The following TMCO6 variants were observed in gnomAD, a reference collection of about 807,000 sequenced individuals.
TMCO6 encodes the protein transmembrane and coiled-coil domains 6.
TMCO6 carries 47 observed loss-of-function variants against 61.8 expected under a neutral mutation model. The ratio of observed to expected loss-of-function variants is 0.76; its 90% CI spans 0.60 to 0.97. The LOEUF is 0.97. Among genes scored for constraint, TMCO6 ranks in the 50% least tolerant of loss-of-function variants. The pLI, the probability that TMCO6 is intolerant of heterozygous loss-of-function variation, is 0.00. For missense variants in TMCO6, 557 were observed against 601.6 expected (o/e 0.93, Z 0.78); for synonymous variants, 261 against 254.2 (o/e 1.03, Z -0.25).
At chr5:140,622,880 A>G in the TMCO6 span, among the ~76,000 whole-genome samples, 1 of 152,004 alleles carries the variant, frequency 6.6e-6, no homozygotes. Flanking sequence ...CTTTTTATGT[A>G]TTTATATTTT....
chr5:140,614,206 A>G, the TMCO6 span, among the ~76,000 whole-genome samples: 13 of 151,032 alleles, frequency 8.6e-5, no homozygotes, highest in African/African-American at 2.7e-4. Flanking sequence ...GCCATCTCTC[A>G]TCTTAAAAAA....
the TMCO6 span, chr5:140,631,734 T>G: frequency 6.6e-6 from 6 of 909,170 alleles, no homozygotes; most frequent in Non-Finnish European, 1.0e-5. Flanking sequence ...CACGGACCCG[T>G]TGTTTAAGAT....
At chr5:140,638,026 G>T (rs1469438252), upstream of TMCO6, among the ~76,000 whole-genome samples, 5 of 144,868 alleles carry the variant, frequency 3.5e-5, no homozygotes, top group African/African-American at 1.3e-4. Context: ...CTTTCTCTTA[G>T]GAATAACGCT....
the TMCO6 span, among the ~76,000 whole-genome samples, chr5:140,613,397 A>G: frequency 2.8e-3 from 420 of 148,794 alleles, 1 homozygote; most frequent in South Asian, 4.1e-3. Flanking sequence ...AAAAAAAAAA[A>G]AAAAAAAAAA....
At chr5:140,641,204 GT>G (rs1757008967) in intron 2 of TMCO6, 1 of 156,932 alleles carries the variant, frequency 6.4e-6, no homozygotes, top group African/African-American at 2.4e-5. Context: ...CCTGAAGAGA[GT>G]GGGAAGCTGG....
the TMCO6 span, among the ~76,000 whole-genome samples, chr5:140,609,644 C>T: frequency 3.6e-5 from 2 of 55,172 alleles, no homozygotes; most frequent in Admixed American, 1.5e-4. Flanking sequence ...ATCTCATACA[C>T]ACCAAAAAAA....
intron 6 of TMCO6, 27 bp from the exon 7 acceptor site, chr5:140,642,898 T>C (rs1167926691): frequency 2.5e-6 from 4 of 1,614,140 alleles, no homozygotes; most frequent in South Asian, 1.1e-5. Context: ...TCGTGGTTCC[T>C]ACTTACAGCC....
At chr5:140,644,004 T>A (rs1480865631) in intron 9 of TMCO6, 38 bp downstream of exon 9, 1 of 1,613,576 alleles carries the variant, frequency 6.2e-7, no homozygotes, top group Admixed American at 1.7e-5. Context: ...GACATTTGGA[T>A]AATGGGGATA....
At chr5:140,641,522 T>C in intron 2 of TMCO6, 143 bp from the exon 3 acceptor site, 2 of 672,122 alleles carry the variant, frequency 3.0e-6, no homozygotes, top group East Asian at 2.7e-5. Context: ...CACTGCAAGG[T>C]AGATGCTTAT....
At chr5:140,642,730 C>T in intron 6 of TMCO6, 59 bp downstream of exon 6, 1 of 1,590,872 alleles carries the variant, frequency 6.3e-7, no homozygotes, top group East Asian at 2.2e-5. Flanking sequence ...AGTATAGCTC[C>T]CGGATGCCTG....
At chr5:140,626,450 G>T in the TMCO6 span, among the ~76,000 whole-genome samples, 5 of 151,740 alleles carry the variant, frequency 3.3e-5, no homozygotes. Flanking sequence ...ACCCTGGCTG[G>T]AGTGCAGTGG....
chr5:140,639,890 G>C, intron 2 of TMCO6, 39 bp downstream of exon 2: 2 of 1,540,800 alleles, frequency 1.3e-6, no homozygotes, highest in Non-Finnish European at 1.8e-6. Context: ...GTCCACGCCC[G>C]CTGGCGCCAG....
chr5:140,632,498 G>C, the TMCO6 span: 4 of 1,613,940 alleles, frequency 2.5e-6, no homozygotes, highest in East Asian at 4.5e-5. The surrounding 1 kb of genome is among the most constrained non-coding windows in gnomAD (Gnocchi z 6.2). Context: ...GCTGCAGCTC[G>C]GCGAGCCAAG....
the TMCO6 span, among the ~76,000 whole-genome samples, chr5:140,613,637 T>C: frequency 6.6e-6 from 1 of 152,170 alleles, no homozygotes; most frequent in Non-Finnish European, 1.5e-5. Flanking sequence ...CCAGCAGGAC[T>C]CCCTTTTCTC....
the TMCO6 span, among the ~76,000 whole-genome samples, chr5:140,612,689 C>T: frequency 1.3e-5 from 2 of 152,186 alleles, no homozygotes; most frequent in East Asian, 1.9e-4. Context: ...CCCCGACCTC[C>T]GACCTTGGTT....
the TMCO6 span, among the ~76,000 whole-genome samples, chr5:140,611,537 A>G: frequency 6.6e-5 from 10 of 152,278 alleles, no homozygotes; most frequent in Non-Finnish European, 1.3e-4. Context: ...GAAATGCATG[A>G]GGTTAGAAAA....
the TMCO6 span, among the ~76,000 whole-genome samples, chr5:140,619,616 A>G: frequency 2.0e-5 from 3 of 149,110 alleles, no homozygotes; most frequent in African/African-American, 7.3e-5. Context: ...CACAACAAAG[A>G]AAAAAAAAAG....
At chr5:140,639,363 G>C (rs1018389065), upstream of TMCO6, 1 of 651,732 alleles carries the variant, frequency 1.5e-6, no homozygotes, top group Non-Finnish European at 2.6e-6. Context: ...TCCCCGCGAG[G>C]CGTCCACTCG....
In TMCO6 at chr5:140,639,645, G is replaced by A. The variant is rs1756888684; in HGVS notation, c.85+33G>A. 3.9e-6 allele frequency: 6 copies of A among 1,540,232 alleles called. No individual in the cohort carries two copies. In the South Asian group the frequency reaches 6.0e-5, roughly 15 times the overall value. On this transcript the variant is annotated intron_variant, in intron 1 of 11. Transcript: ENST00000394671. ...CGGCCGAGGGAGCGCGGGGGTATAT[G>A]GCGGTCGGGGATAAGTTGAGACCCC... is the stretch of plus-strand genomic sequence containing the variant.
Sources: gnomAD v4.1 joint callset for allele counts (sites outside exome capture counted in the v4.1 genomes callset) on GRCh38, gnomAD v4.1.1 for gene constraint, Gnocchi (gnomAD v3.1) non-coding constraint, MANE v1.5 for transcripts, NCBI Gene and HGNC (gene_info 2026-07-23, HGNC 2026-07-21) for gene names.